KCNMB2: variants seen among roughly 807,000 people sequenced by gnomAD.
KCNMB2 encodes potassium calcium-activated channel subfamily M regulatory beta subunit 2, also known as calcium-activated potassium channel subunit beta-2.
KCNMB2 carries 9 observed loss-of-function variants against 24.5 expected under a neutral mutation model. The observed-to-expected ratio is 0.37, with a 90% CI of 0.22 to 0.64. KCNMB2 has a LOEUF of 0.64. KCNMB2 is among the 30% of genes least tolerant of loss of function. The pLI is 0.63. For missense variants in KCNMB2, 226 were observed against 284.3 expected (o/e 0.79, Z 1.47); for synonymous variants, 109 against 104.4 (o/e 1.04, Z -0.27).
intron 1 of KCNMB2, among the ~76,000 whole-genome samples, chr3:178,557,063 G>C (rs1396922005): frequency 6.6e-6 from 1 of 152,142 alleles, no homozygotes; most frequent in Non-Finnish European, 1.5e-5. Context: ...TAAAGCTGAA[G>C]AATAAACAAG....
intron 1 of KCNMB2, among the ~76,000 whole-genome samples, chr3:178,654,753 A>T (rs1231080567): frequency 6.6e-6 from 1 of 152,174 alleles, no homozygotes; most frequent in African/African-American, 2.4e-5. Context: ...TTTGAGGTGA[A>T]GACATTTTGA....
intron 4 of KCNMB2, 103 bp from the exon 5 acceptor site, chr3:178,842,550 G>C: frequency 1.3e-6 from 1 of 748,168 alleles, no homozygotes; most frequent in Non-Finnish European, 2.2e-6. Context: ...TAACCACCAT[G>C]GTTATTTCAC....
intron 2 of KCNMB2, among the ~76,000 whole-genome samples, chr3:178,819,091 T>C (rs1197491305): frequency 1.3e-5 from 2 of 152,226 alleles, no homozygotes; most frequent in African/African-American, 2.4e-5. Context: ...ATCCATAACA[T>C]GTCTGTAGTT....
intron 1 of KCNMB2, among the ~76,000 whole-genome samples, chr3:178,572,987 C>T (rs149880280): frequency 2.4e-4 from 36 of 151,908 alleles, no homozygotes; most frequent in African/African-American, 8.4e-4. Flanking sequence ...CTATTATGAA[C>T]AAAATGTGAA....
At chr3:178,543,127 A>C (rs186310783) in intron 1 of KCNMB2, among the ~76,000 whole-genome samples, 143 of 152,342 alleles carry the variant, frequency 9.4e-4, no homozygotes, top group African/African-American at 3.2e-3. Context: ...ACTTCTTGGC[A>C]TGTCATGTCT....
intron 1 of KCNMB2, among the ~76,000 whole-genome samples, chr3:178,675,630 CAT>C (rs943719146): frequency 1.3e-5 from 2 of 152,176 alleles, no homozygotes; most frequent in Non-Finnish European, 2.9e-5. Flanking sequence ...TCAATGTTCA[CAT>C]GTTTTCTTGG....
chr3:178,629,654 G>T (rs1246699051), intron 1 of KCNMB2, among the ~76,000 whole-genome samples: 2 of 152,076 alleles, frequency 1.3e-5, no homozygotes, highest in African/African-American at 2.4e-5. Flanking sequence ...AAAGCTTTGT[G>T]CCAGACACAC....
At chr3:178,614,712 C>A (rs902445923) in intron 1 of KCNMB2, among the ~76,000 whole-genome samples, 14 of 152,162 alleles carry the variant, frequency 9.2e-5, no homozygotes, top group African/African-American at 3.4e-4. Context: ...TTCCTCAACA[C>A]AGCTATTTTG....
chr3:178,704,164 T>C (rs1348979561), intron 1 of KCNMB2, among the ~76,000 whole-genome samples: 3 of 152,104 alleles, frequency 2.0e-5, no homozygotes, highest in South Asian at 2.1e-4. Flanking sequence ...TCAAGTGTCA[T>C]TGTAAAAATT....
At chr3:178,602,671 G>A (rs1718127094) in intron 1 of KCNMB2, among the ~76,000 whole-genome samples, 1 of 152,074 alleles carries the variant, frequency 6.6e-6, no homozygotes, top group Non-Finnish European at 1.5e-5. Flanking sequence ...CGAGGGTCCT[G>A]CAGCTGGAGA....
intron 1 of KCNMB2, among the ~76,000 whole-genome samples, chr3:178,659,082 T>A (rs1416592011): frequency 6.6e-6 from 1 of 152,214 alleles, no homozygotes; most frequent in African/African-American, 2.4e-5. Flanking sequence ...TAAAGGAGCT[T>A]TCGCAAAGCA....
intron 1 of KCNMB2, among the ~76,000 whole-genome samples, chr3:178,784,993 T>A (rs1211761523): frequency 6.6e-6 from 1 of 151,970 alleles, no homozygotes; most frequent in East Asian, 1.9e-4. Flanking sequence ...CTCTGAATTA[T>A]GTCTCAAATC....
chr3:178,600,484 T>C (rs147450591), intron 1 of KCNMB2, among the ~76,000 whole-genome samples: 2 of 152,330 alleles, frequency 1.3e-5, no homozygotes, highest in East Asian at 1.9e-4. Context: ...AAGGAATACA[T>C]TGACTTTTAA....
chr3:178,559,234 C>A (rs1716229395), intron 1 of KCNMB2, among the ~76,000 whole-genome samples: 1 of 151,936 alleles, frequency 6.6e-6, no homozygotes, highest in Non-Finnish European at 1.5e-5. Context: ...TGGTTTTTTT[C>A]ACAGGGAAGT....
chr3:178,644,929 A>C (rs1299056771), intron 1 of KCNMB2, among the ~76,000 whole-genome samples: 1 of 152,160 alleles, frequency 6.6e-6, no homozygotes, highest in African/African-American at 2.4e-5. Context: ...TTAAATGAAG[A>C]CATGTATATG....
intron 1 of KCNMB2, among the ~76,000 whole-genome samples, chr3:178,721,941 T>A (rs899629774): frequency 6.6e-6 from 1 of 152,238 alleles, no homozygotes; most frequent in Middle Eastern, 3.2e-3. Context: ...AGAATTTTTT[T>A]ACACATCCTT....
chr3:178,708,136 T>C (rs974421565), intron 1 of KCNMB2, among the ~76,000 whole-genome samples: 3 of 152,172 alleles, frequency 2.0e-5, no homozygotes, highest in Non-Finnish European at 2.9e-5. Context: ...CTTAGGAGGA[T>C]AATACTCTTA....
chr3:178,743,381 T>A (rs371427255), intron 1 of KCNMB2, among the ~76,000 whole-genome samples: 5 of 152,162 alleles, frequency 3.3e-5, no homozygotes, highest in African/African-American at 1.2e-4. Flanking sequence ...CCACACTTCC[T>A]CCTTAAAGCA....
intron 1 of KCNMB2, among the ~76,000 whole-genome samples, chr3:178,754,148 T>TTG (rs1360224418): frequency 0.012 from 985 of 84,062 alleles, 7 homozygotes; most frequent in African/African-American, 0.049. Context: ...TAATATTCCA[T>TTG]TGTATATATA....
Sources: allele counts gnomAD v4.1 joint callset (sites outside exome capture counted in the v4.1 genomes callset), GRCh38; gene constraint gnomAD v4.1.1; transcripts MANE v1.5; gene names NCBI Gene and HGNC (gene_info 2026-07-23, HGNC 2026-07-21).